Variants in ATP8A1 observed in about 807,000 individuals in gnomAD.
The protein encoded by ATP8A1 is ATPase phospholipid transporting 8A1, also known as phospholipid-transporting ATPase IA.
ATP8A1 carries 90 observed loss-of-function variants against 177.7 expected under a neutral mutation model. That is an observed-to-expected ratio of 0.51 (90% CI 0.43 to 0.60). The LOEUF is 0.60. Ranked by LOEUF, ATP8A1 falls within the 20% of genes least tolerant of loss-of-function variation. The pLI, the probability that ATP8A1 is intolerant of heterozygous loss-of-function variation, is 0.00. For missense variants in ATP8A1, 1,072 were observed against 1,392.8 expected (o/e 0.77, Z 3.67); for synonymous variants, 493 against 485.9 (o/e 1.01, Z -0.19).
intron 1 of ATP8A1, among the ~76,000 whole-genome samples, chr4:42,630,286 C>T (rs1296728866): frequency 3.3e-5 from 5 of 152,096 alleles, no homozygotes; most frequent in Non-Finnish European, 7.4e-5. Context: ...GAGTTCTATT[C>T]CTCGTTTTAA....
rs371024060 is a variant in ATP8A1, at chr4:42,430,994, A to G, written c.3124-7289T>C. Among the ~76,000 whole-genome samples the G allele has an allele frequency of 5.5e-4, 84 of 151,898 alleles. No homozygotes were observed. The East Asian group carries it at 0.012, about 21-fold the overall frequency. ...ACTCAAGTCCTCCAGAGCATTTAAC[A>G]CAGTCCAGCCTGCTGTATAATAGAC... On this transcript the variant is annotated intron_variant, in intron 33 of 36. Transcript: ENST00000381668.
rs34269384 is a variant in ATP8A1 at position 42,507,729 on chromosome 4, C to CAAAAAAAA, written c.1948-583_1948-576dup. 1.6e-3 allele frequency among the ~76,000 whole-genome samples: 14 copies of CAAAAAAAA among 8,908 alleles called. 3 individuals are homozygous for CAAAAAAAA. The highest frequency in any genetic ancestry group is 2.6e-3 in the Non-Finnish European group (10 of 3,918). The allele number at this position is 8,908 out of a possible 152,430, so 5.8% of individuals were successfully genotyped here. ...TGGGCAAGAGAGCGAGACTCCATCT[C>CAAAAAAAA]AAAAAAAAAAAAAAAAAAAAAAAAA... is the stretch of plus-strand genomic sequence containing the variant. On this transcript the variant is annotated intron_variant, in intron 22 of 36. Transcript: ENST00000381668.
intron 1 of ATP8A1, among the ~76,000 whole-genome samples, chr4:42,645,933 G>GA (rs112999367): frequency 0.032 from 4,525 of 141,984 alleles, 206 homozygotes; most frequent in African/African-American, 0.1. Flanking sequence ...CTAGGTTAGA[G>GA]AAAAAAAAAA....
chr4:42,419,964 T>C (rs928487339), intron 35 of ATP8A1, among the ~76,000 whole-genome samples: 4 of 151,998 alleles, frequency 2.6e-5, no homozygotes, highest in African/African-American at 9.7e-5. Context: ...GATTGTGCCA[T>C]TGCACTCCAG....
intron 20 of ATP8A1, 104 bp downstream of exon 20, chr4:42,543,813 C>A: frequency 1.3e-6 from 1 of 762,322 alleles, no homozygotes; most frequent in South Asian, 2.1e-5. Context: ...TGGATGTCAG[C>A]AACTTCATGT....
At chr4:42,451,906 A>G in intron 30 of ATP8A1, 75 bp downstream of exon 30, 1 of 1,079,558 alleles carries the variant, frequency 9.3e-7, no homozygotes, top group Non-Finnish European at 1.4e-6. Context: ...ATACTTTTAA[A>G]CATACATTGA....
At chr4:42,506,018 G>T (rs979292138) in intron 23 of ATP8A1, among the ~76,000 whole-genome samples, 5 of 151,764 alleles carry the variant, frequency 3.3e-5, no homozygotes, top group African/African-American at 1.2e-4. Flanking sequence ...GGACTCAATT[G>T]ATCTCCCTAC....
intron 25 of ATP8A1, among the ~76,000 whole-genome samples, chr4:42,482,314 A>C (rs4437289): frequency 0.13 from 16,471 of 126,428 alleles, 1,067 homozygotes; most frequent in Middle Eastern, 0.22. Context: ...CAAAAACAAA[A>C]AAACAAACAA....
chr4:42,478,680 G>C (rs1721341552), intron 25 of ATP8A1, among the ~76,000 whole-genome samples: 2 of 152,150 alleles, frequency 1.3e-5, no homozygotes, highest in Non-Finnish European at 2.9e-5. Flanking sequence ...CTAGCACCTT[G>C]CTGGGGGTTT....
At chr4:42,643,822 C>G (rs1311753561) in intron 1 of ATP8A1, among the ~76,000 whole-genome samples, 2 of 152,180 alleles carry the variant, frequency 1.3e-5, no homozygotes, top group Non-Finnish European at 2.9e-5. Context: ...AAGTGACATG[C>G]TCAAGGCCGC....
intron 4 of ATP8A1, among the ~76,000 whole-genome samples, chr4:42,617,274 A>C: frequency 6.6e-6 from 1 of 152,214 alleles, no homozygotes; most frequent in East Asian, 1.9e-4. Context: ...AAATGCAAAC[A>C]AAACATTCAA....
intron 1 of ATP8A1, among the ~76,000 whole-genome samples, chr4:42,641,430 A>G (rs534903159): frequency 1.3e-5 from 2 of 152,218 alleles, no homozygotes; most frequent in East Asian, 3.9e-4. Flanking sequence ...CATATCAGTT[A>G]CTGTGTTGCA....
At chr4:42,577,471 T>C (rs1332440006) in intron 12 of ATP8A1, among the ~76,000 whole-genome samples, 8 of 152,036 alleles carry the variant, frequency 5.3e-5, no homozygotes, top group Admixed American at 3.3e-4. Flanking sequence ...AACCCTAATA[T>C]TGTTCATATT....
At chr4:42,587,311 T>TTTTC (rs199840532) in intron 8 of ATP8A1, among the ~76,000 whole-genome samples, 2,463 of 133,532 alleles carry the variant, frequency 0.018, 48 homozygotes, top group African/African-American at 0.067. Context: ...TTTTCTTTTC[T>TTTTC]TTTTTTTTTT....
rs36117571 is a variant in ATP8A1, at chr4:42,601,033, C to CTTTT, written c.410-519_410-516dup. ...AAAAAGCAAAAACAACCCAAATTTT[C>CTTTT]TTTTTTTTTTTTTTTTTTTTGAGAT... On this transcript the variant is annotated intron_variant, in intron 5 of 36. Transcript: ENST00000381668. Among the ~76,000 whole-genome samples the CTTTT allele has an allele frequency of 1.7e-3, 176 of 102,384 alleles. 4 individuals are homozygous for CTTTT. Among genetic ancestry groups the CTTTT allele is most frequent in the African/African-American group, 3.5e-3 (94 of 27,164 alleles). 67.2% of individuals were successfully genotyped at this position (102,384 alleles called of 152,430 possible).
chr4:42,485,897 C>A (rs972848372), intron 24 of ATP8A1, among the ~76,000 whole-genome samples: 1 of 152,156 alleles, frequency 6.6e-6, no homozygotes, highest in Non-Finnish European at 1.5e-5. Context: ...CTGTTCCTAG[C>A]AGGGTTGGGA....
chr4:42,548,515 CA>C (rs1164190337), intron 19 of ATP8A1, among the ~76,000 whole-genome samples: 1 of 152,152 alleles, frequency 6.6e-6, no homozygotes, highest in Non-Finnish European at 1.5e-5. Flanking sequence ...TTGGGATATG[CA>C]AGATCTTGAT....
chr4:42,627,143 G>GT (rs780972070), intron 1 of ATP8A1, 34 bp from the exon 2 acceptor site: 2 of 1,523,198 alleles, frequency 1.3e-6, no homozygotes, highest in Non-Finnish European at 9.1e-7. Flanking sequence ...TACAAGAAAT[G>GT]TTTTATTGTC....
Position 42,646,024 on chromosome 4 carries a change from C to T in ATP8A1, c.49+10801G>A, listed in dbSNP as rs115229687. On this transcript the variant is annotated intron_variant, in intron 1 of 36. Transcript: ENST00000381668. ...CTGGAATAACAATACAATGGTGGAG[C>T]GACAGATCCAGGACAAATGGAAATG... Among the ~76,000 whole-genome samples the T allele has an allele frequency of 3.1e-3, 467 of 152,114 alleles. 1 individual carries two copies. Among genetic ancestry groups the T allele is most frequent in the Non-Finnish European group, 4.9e-3 (331 of 68,012 alleles).
Sources: gnomAD v4.1 joint callset for allele counts (sites outside exome capture counted in the v4.1 genomes callset) on GRCh38, gnomAD v4.1.1 for gene constraint, MANE v1.5 for transcripts, NCBI Gene and HGNC (gene_info 2026-07-23, HGNC 2026-07-21) for gene names.